Variants in AKR1C3 observed in about 807,000 individuals in gnomAD.
AKR1C3 encodes the protein 3-alpha hydroxysteroid dehydrogenase, type II.
Under a neutral mutation model 43.6 loss-of-function variants are expected in AKR1C3, and 48 were observed. That is an observed-to-expected ratio of 1.10 (90% CI 0.87 to 1.40). AKR1C3 has a LOEUF of 1.40. Among genes scored for constraint, AKR1C3 ranks in the 40% most tolerant of loss-of-function variants. The pLI is 0.00. For synonymous variants in AKR1C3, 162 were observed against 139.6 expected, an observed-to-expected ratio of 1.16 and a Z score of -1.13; for missense variants, 482 against 391.2, an observed-to-expected ratio of 1.23 and a Z score of -1.96.
intron 1 of AKR1C3, among the ~76,000 whole-genome samples, chr10:5,056,131 C>T (rs1554779540): frequency 6.6e-6 from 1 of 152,150 alleles, no homozygotes; most frequent in African/African-American, 2.4e-5. Flanking sequence ...AAATCATCCA[C>T]ATATTGAAGG....
rs782208380 is a variant in AKR1C3, at chr10:5,096,606, A to C, written c.252+29A>C. 9.4e-6 allele frequency: 15 copies of C among 1,601,320 alleles called. No homozygotes were observed. The East Asian group carries it at 2.2e-4, about 24-fold the overall frequency. ...CTGTGTCTATGATGAGCTTGTGTGC[A>C]CATGTATTTATTGTGATTGTGTGGA... On this transcript the variant is annotated intron_variant, in intron 2 of 8. Transcript: ENST00000380554.
intron 1 of AKR1C3, among the ~76,000 whole-genome samples, chr10:5,065,711 G>C (rs1224935766): frequency 6.6e-6 from 1 of 152,176 alleles, no homozygotes; most frequent in African/African-American, 2.4e-5. Flanking sequence ...TAAATGAAGA[G>C]GACAAAGTAA....
intron 1 of AKR1C3, among the ~76,000 whole-genome samples, chr10:5,066,014 C>G (rs1554780763): frequency 1.3e-5 from 2 of 152,138 alleles, no homozygotes; most frequent in Non-Finnish European, 2.9e-5. Flanking sequence ...GGGGTGGTGT[C>G]TTTACCTGGA....
intron 7 of AKR1C3, 39 bp downstream of exon 7, chr10:5,102,689 G>C: frequency 6.9e-7 from 1 of 1,447,710 alleles, no homozygotes; most frequent in South Asian, 1.5e-5. Context: ...CTCCTGCACA[G>C]TGTCCTTCAC....
At chr10:5,077,847 T>C (rs1838745686) in intron 1 of AKR1C3, 1 of 535,422 alleles carries the variant, frequency 1.9e-6, no homozygotes, top group African/African-American at 2.0e-5. Context: ...ATAAAAACTG[T>C]TCTCGGAGTT....
rs564264037 is a variant in AKR1C3, at chr10:5,073,080, T to G, written c.85-23330T>G. On this transcript the variant is annotated intron_variant, in intron 1 of 8. Coordinates refer to the AKR1C3 transcript ENST00000439082. ...CTGAGTTCAAGTGATTCACATGCCT[T>G]AGCCTCTCAAGATGCTGGGATTACA... Among the ~76,000 whole-genome samples, 22 of 152,208 alleles carry G rather than the reference T, an allele frequency of 1.4e-4. No individual in the cohort carries two copies. In the South Asian group the frequency reaches 4.4e-3, roughly 30 times the overall value.
intron 1 of AKR1C3, among the ~76,000 whole-genome samples, chr10:5,066,564 G>A (rs1838506358): frequency 2.6e-5 from 4 of 152,250 alleles, no homozygotes; most frequent in South Asian, 4.2e-4. Flanking sequence ...ATATAGCGCA[G>A]CAACGAGACT....
chr10:5,092,223 ATTT>A (rs750888270), upstream of AKR1C3, among the ~76,000 whole-genome samples: 2 of 151,982 alleles, frequency 1.3e-5, no homozygotes, highest in Non-Finnish European at 2.9e-5. Context: ...AAGATAGTCT[ATTT>A]GTTGTTGGCT....
intron 3 of AKR1C3, 50 bp downstream of exon 3, chr10:5,097,600 C>A: frequency 1.2e-6 from 2 of 1,610,516 alleles, no homozygotes; most frequent in Non-Finnish European, 1.7e-6. Context: ...TCATTATAAA[C>A]ATTGTTTATC....
chr10:5,056,943 A>G (rs1364054171), intron 1 of AKR1C3, among the ~76,000 whole-genome samples: 1 of 152,196 alleles, frequency 6.6e-6, no homozygotes, highest in Non-Finnish European at 1.5e-5. Flanking sequence ...CAGGAGATTA[A>G]CACTGAGAAG....
At chr10:5,062,950 G>T (rs1554780381) in intron 1 of AKR1C3, among the ~76,000 whole-genome samples, 1 of 151,672 alleles carries the variant, frequency 6.6e-6, no homozygotes, top group South Asian at 2.1e-4. Context: ...TAAGAAAATG[G>T]TATAGGGACC....
At chr10:5,061,504 G>A (rs1554780249) in intron 1 of AKR1C3, among the ~76,000 whole-genome samples, 10 of 152,262 alleles carry the variant, frequency 6.6e-5, no homozygotes, top group Admixed American at 2.6e-4. Context: ...AATGATTACA[G>A]GTCAGATATG....
At position 5,099,726 on chromosome 10, in the gene AKR1C3, A is replaced by C. The variant is rs115896062; in HGVS notation, c.570+277A>C. 3.5e-3 allele frequency: 1,565 copies of C among 452,064 alleles called. 17 individuals are homozygous for C. The highest frequency in any genetic ancestry group is 0.029 in the African/African-American group (1,464 of 50,874). 28.0% of individuals were successfully genotyped at this position (452,064 alleles called of 1,614,324 possible). ...GCCTGGAATCATCAATTAGAACTCA[A>C]GGAAAGGTGGACTTACCTCTAAGCT... On this transcript the variant is annotated intron_variant, in intron 5 of 8. Coordinates refer to ENST00000380554, the MANE Select transcript of AKR1C3 (RefSeq NM_003739.6).
In AKR1C3 at chr10:5,096,377, A is replaced by G. The variant is rs782037043; in HGVS notation, c.85-33A>G. ...CCTGAACTACCTCTCAGCCACAGTG[A>G]TCACCAGATACTACCTTTGGTTGCT... On this transcript the variant is annotated intron_variant, in intron 1 of 8. Coordinates refer to ENST00000380554, the MANE Select transcript of AKR1C3 (RefSeq NM_003739.6). 4.4e-6 allele frequency: 7 copies of G among 1,605,136 alleles called. No individual in the cohort carries two copies. In the Admixed American group the frequency reaches 1.2e-4, roughly 27 times the overall value.
intron 1 of AKR1C3, among the ~76,000 whole-genome samples, chr10:5,059,756 G>A (rs1342896532): frequency 3.9e-5 from 6 of 152,092 alleles, no homozygotes; most frequent in South Asian, 2.1e-4. Context: ...CGATAGTCTC[G>A]CTGCTCAGTG....
intron 1 of AKR1C3, among the ~76,000 whole-genome samples, chr10:5,054,545 G>C (rs1838219791): frequency 6.6e-6 from 1 of 152,292 alleles, no homozygotes; most frequent in Non-Finnish European, 1.5e-5. Context: ...AATATGCCTT[G>C]GCTGGGTAGA....
At position 5,075,796 on chromosome 10, in the gene AKR1C3, C is replaced by G. The variant is rs533324015; in HGVS notation, c.85-20614C>G. Among the ~76,000 whole-genome samples the G allele has an allele frequency of 2.0e-5, 3 of 152,164 alleles. No individual in the cohort carries two copies. The South Asian group carries it at 6.2e-4, about 32-fold the overall frequency. On this transcript the variant is annotated intron_variant, in intron 1 of 8. Transcript: ENST00000439082. ...GGCTGAGGCAGGAGAATCACTTGAA[C>G]CCGGGAGGCAGAGGTTGCAGTGAGC...
chr10:5,077,648 A>G, intron 1 of AKR1C3: 1 of 1,065,178 alleles, frequency 9.4e-7, no homozygotes, highest in Non-Finnish European at 1.1e-6. Context: ...TTTTTGCTGA[A>G]CATTCCCCTT....
At chr10:5,083,321 T>C (rs1334830500) in intron 1 of AKR1C3, among the ~76,000 whole-genome samples, 11 of 151,976 alleles carry the variant, frequency 7.2e-5, no homozygotes, top group African/African-American at 2.7e-4. Context: ...AGTGAGAACA[T>C]GCGGTGTTTG....
Sources: gnomAD v4.1 joint callset for allele counts (sites outside exome capture counted in the v4.1 genomes callset) on GRCh38, gnomAD v4.1.1 for gene constraint, MANE v1.5 for transcripts, NCBI Gene and HGNC (gene_info 2026-07-23, HGNC 2026-07-21) for gene names.